Variants in TOP1MT observed in about 807,000 individuals in gnomAD.
TOP1MT encodes the protein DNA topoisomerase I mitochondrial, also known as DNA topoisomerase I, mitochondrial.
TOP1MT carries 80 observed loss-of-function variants against 73.9 expected under a neutral mutation model. The ratio of observed to expected loss-of-function variants is 1.08; its 90% CI spans 0.90 to 1.30. TOP1MT has a LOEUF of 1.30. Among genes scored for constraint, TOP1MT ranks in the 50% most tolerant of loss-of-function variants. The pLI, the probability that TOP1MT is intolerant of heterozygous loss-of-function variation, is 0.00. For missense variants in TOP1MT, 815 were observed against 808.0 expected (o/e 1.01, Z -0.10); for synonymous variants, 338 against 326.4 (o/e 1.04, Z -0.38).
chr8:143,342,075 G>GTTATTA (rs540333405), intron 2 of TOP1MT, among the ~76,000 whole-genome samples: 4,718 of 120,632 alleles, frequency 0.039, 168 homozygotes, highest in Non-Finnish European at 0.049. Context: ...GTCTCGCTCT[G>GTTATTA]TTATTATTAT....
At chr8:143,321,926 TGCACGCCACACAC>T (rs1172248485) in intron 7 of TOP1MT, among the ~76,000 whole-genome samples, 65 of 7,996 alleles carry the variant, frequency 8.1e-3, no homozygotes, top group Admixed American at 0.015. Context: ...GCCACACACA[TGCACGCCACACAC>T]GCACGCCACA....
chr8:143,359,514 C>T, upstream of TOP1MT: 1 of 840,172 alleles, frequency 1.2e-6, no homozygotes, highest in East Asian at 1.3e-4. Flanking sequence ...AGCAGAAAGT[C>T]AGGAGCCAAG....
chr8:143,309,881 C>T lies in TOP1MT; in HGVS notation c.1703+187G>A, dbSNP rs777422735. The T allele has an allele frequency of 4.3e-5, 66 of 1,549,762 alleles. No individual in the cohort carries two copies. The South Asian group carries it at 6.1e-4, about 14-fold the overall frequency. On this transcript the variant is annotated intron_variant, in intron 13 of 13. Transcript: ENST00000329245. ...GCACCCCCACTTCACCCTGTCCATC[C>T]GAACGTTCAGGGCAGGGAGAGCTGA...
chr8:143,319,806 C>T (rs1816278769), intron 8 of TOP1MT, among the ~76,000 whole-genome samples: 1 of 145,470 alleles, frequency 6.9e-6, no homozygotes, highest in African/African-American at 2.5e-5. Flanking sequence ...TCACCAGAAC[C>T]TCAGAATGTA....
chr8:143,340,811 G>A (rs570413392), intron 2 of TOP1MT, among the ~76,000 whole-genome samples: 11 of 152,184 alleles, frequency 7.2e-5, no homozygotes, highest in East Asian at 1.9e-4. Context: ...TCCCACTTTT[G>A]TGCCACTACC....
At chr8:143,317,955 C>T (rs1020741667) in intron 9 of TOP1MT, 63 bp downstream of exon 9, 15 of 1,592,632 alleles carry the variant, frequency 9.4e-6, no homozygotes, top group South Asian at 2.2e-5. Context: ...CCAGACTCAG[C>T]GCCCACGCCC....
Position 143,341,160 on chromosome 8 carries a change from A to C in TOP1MT, c.29+2060T>G, listed in dbSNP as rs1817073232. ...CACCCTCTTCTCGTGCTGCCGCCCC[A>C]GTGCATCTCCCCACACGTTTGTCCT... On this transcript the variant is annotated intron_variant, in intron 2 of 5. Coordinates refer to the TOP1MT transcript ENST00000518007. The surrounding 1 kb of genome is among the most constrained non-coding windows in gnomAD (Gnocchi z 4.1). 6.6e-6 allele frequency among the ~76,000 whole-genome samples: 1 copy of C among 151,646 alleles called. No individual in the cohort carries two copies. Among genetic ancestry groups the C allele is most frequent in the South Asian group, 2.1e-4 (1 of 4,800 alleles).
intron 12 of TOP1MT, among the ~76,000 whole-genome samples, chr8:143,314,971 G>A (rs1220489847): frequency 6.6e-6 from 1 of 152,210 alleles, no homozygotes; most frequent in Non-Finnish European, 1.5e-5. Context: ...CCCAGACAGG[G>A]CCACCAGAGG....
chr8:143,359,901 C>G (rs1817475653), upstream of TOP1MT: 1 of 152,416 alleles, frequency 6.6e-6, no homozygotes, highest in Non-Finnish European at 1.5e-5. Context: ...CCAGGACCCA[C>G]GCGGTCCCAC....
chr8:143,327,777 T>A (rs745335374), intron 3 of TOP1MT: 1 of 435,742 alleles, frequency 2.3e-6, no homozygotes, highest in Non-Finnish European at 4.6e-6. Context: ...AAGAAGAGGG[T>A]CCAGAAGCGG....
At chr8:143,340,998 G>T (rs1018010728) in intron 2 of TOP1MT, among the ~76,000 whole-genome samples, 1 of 152,172 alleles carries the variant, frequency 6.6e-6, no homozygotes, top group African/African-American at 2.4e-5. Flanking sequence ...TCCTGGCCAC[G>T]CTTCGCACCT....
intron 7 of TOP1MT, among the ~76,000 whole-genome samples, chr8:143,322,523 G>GGCACGCCACAC (rs1324707329): frequency 2.3e-5 from 2 of 88,304 alleles, no homozygotes; most frequent in East Asian, 7.8e-4. Context: ...CCACACAACA[G>GGCACGCCACAC]GCACGCCAAA....
intron 5 of TOP1MT, among the ~76,000 whole-genome samples, chr8:143,324,924 C>A (rs905987814): frequency 9.2e-5 from 14 of 152,356 alleles, no homozygotes; most frequent in Admixed American, 7.2e-4. Context: ...TGCCCTGCCC[C>A]ACACAGCCTG....
Position 143,309,539 on chromosome 8 carries a change from T to G in TOP1MT, c.1708A>C (p.Lys570Gln). The change falls in exon 14 of 14, where the codon AAG (lysine) becomes CAG (glutamine). Residue 570 changes from lysine to glutamine, a missense_variant. Lys to Gln is a moderately conservative substitution (Grantham distance 53). Around this residue, in one of 3 missense-constraint regions of TOP1MT, gnomAD observed 751 missense variants for 725.4 expected, o/e 1.04. Coordinates refer to ENST00000329245, the MANE Select transcript of TOP1MT (RefSeq NM_052963.3). The stretch of plus-strand genomic sequence containing the variant: ...TTCTCCACTGGCACCCTGAACCGCT[T>G]GCACCTGCGGGAGGCAGCATCAGCC... ...LDPRISIAWC[K>Q]RFRVPVEKIY... is the part of the protein sequence containing the mutation. The G allele has an allele frequency of 6.2e-7, 1 of 1,613,744 alleles. No homozygotes were observed. The highest frequency in any genetic ancestry group is 2.2e-5 in the East Asian group (1 of 44,876).
At chr8:143,359,199 G>T, upstream of TOP1MT, 1 of 983,806 alleles carries the variant, frequency 1.0e-6, no homozygotes, top group Non-Finnish European at 1.2e-6. Context: ...CCTGTTCTTG[G>T]GTTTTAGCTG....
At chr8:143,322,580 A>AC in intron 7 of TOP1MT, among the ~76,000 whole-genome samples, 1 of 125,838 alleles carries the variant, frequency 7.9e-6, no homozygotes, top group South Asian at 2.7e-4. Context: ...CGCCACACAC[A>AC]TGCACGCCAC....
At position 143,330,978 on chromosome 8, in the gene TOP1MT, G is replaced by T. The variant is rs191605689; in HGVS notation, c.238+246C>A. ...GGTCCGCTTTGCCCAGAGGGTCCTG[G>T]ACACAACAGGCACAGCCAGTGCAGG... On this transcript the variant is annotated intron_variant, in intron 2 of 13. Transcript: ENST00000329245. 3.7e-4 allele frequency among the ~76,000 whole-genome samples: 56 copies of T among 152,270 alleles called. No homozygotes were observed. The East Asian group carries it at 9.7e-3, about 26-fold the overall frequency.
chr8:143,317,526 C>T (rs1385148756), intron 10 of TOP1MT, among the ~76,000 whole-genome samples, 197 bp downstream of exon 10: 1 of 152,182 alleles, frequency 6.6e-6, no homozygotes, highest in Non-Finnish European at 1.5e-5. Flanking sequence ...CCTGGGGTCC[C>T]GAGAGCCAGA....
At chr8:143,338,554 G>A (rs2980266), upstream of TOP1MT, among the ~76,000 whole-genome samples, 16,615 of 150,958 alleles carry the variant, frequency 0.11, 3,081 homozygotes, top group African/African-American at 0.38. Context: ...GCAACAAAAT[G>A]AGACTCCGTC....
Sources: allele counts gnomAD v4.1 joint callset (sites outside exome capture counted in the v4.1 genomes callset), GRCh38; gene constraint gnomAD v4.1.1; regional missense constraint gnomAD v4.1.1; non-coding constraint Gnocchi (gnomAD v3.1); transcripts MANE v1.5; gene names NCBI Gene and HGNC (gene_info 2026-07-23, HGNC 2026-07-21).